The following BPIFB4 variants were observed in gnomAD, a reference collection of about 807,000 sequenced individuals.
BPIFB4 encodes the protein BPI fold containing family B member 4.
Under a neutral mutation model 69.2 loss-of-function variants are expected in BPIFB4, and 62 were observed. The ratio of observed to expected loss-of-function variants is 0.90; its 90% CI spans 0.73 to 1.11. The LOEUF is 1.11. BPIFB4 is among the 50% of genes least tolerant of loss of function. BPIFB4 has a pLI of 0.00. For missense variants in BPIFB4, 789 were observed against 792.0 expected (o/e 1.00, Z 0.04); for synonymous variants, 330 against 332.7 (o/e 0.99, Z 0.09).
intron 3 of BPIFB4, 25 bp downstream of exon 3, chr20:33,081,657 G>C (rs1340823474): frequency 6.4e-7 from 1 of 1,550,978 alleles, no homozygotes. Flanking sequence ...AAAGGGGTGA[G>C]GGTTGGCATG....
chr20:33,110,141 G>A (rs1045704425), intron 17 of BPIFB4, among the ~76,000 whole-genome samples: 1 of 152,138 alleles, frequency 6.6e-6, no homozygotes, highest in Non-Finnish European at 1.5e-5. Flanking sequence ...CTTTGGTCTG[G>A]TTCAGGGTCC....
At position 33,083,854 on chromosome 20, in the gene BPIFB4, C is replaced by A; in HGVS notation, c.657C>A (p.Ser219Arg). 6.2e-7 allele frequency: 1 copy of A among 1,612,848 alleles called. No homozygotes were observed. The highest frequency in any genetic ancestry group is 8.5e-7 in the Non-Finnish European group (1 of 1,179,578). ...TGCTCGGCGAGGGTGGCATCCTCAG[C>A]ACTGTGCAAGGCATCACGGGGTAAG... ...LGVLGEGGIL[S>R]TVQGITGLRI... Residue 219 changes from serine to arginine, a missense_variant, in exon 5 of 18, where the codon AGC becomes AGA. Coordinates refer to ENST00000375483, the MANE Select transcript of BPIFB4 (RefSeq NM_182519.3).
At chr20:33,085,232 A>T (rs184912497) in intron 6 of BPIFB4, among the ~76,000 whole-genome samples, 2,841 of 152,236 alleles carry the variant, frequency 0.019, 52 homozygotes, top group Non-Finnish European at 0.022. Context: ...AGGCAGGCAG[A>T]TCATCTGAGG....
At chr20:33,085,922 T>C in intron 6 of BPIFB4, 99 bp from the exon 7 acceptor site, 1 of 1,417,448 alleles carries the variant, frequency 7.1e-7, no homozygotes, top group African/African-American at 1.4e-5. Context: ...GCAAGGAGCG[T>C]AGCAGATGGC....
chr20:33,104,019 G>T (rs188975374), intron 15 of BPIFB4, among the ~76,000 whole-genome samples: 14 of 152,184 alleles, frequency 9.2e-5, no homozygotes, highest in African/African-American at 3.1e-4. Flanking sequence ...TATGATTTGG[G>T]TATTATTATT....
intron 4 of BPIFB4, 67 bp from the exon 5 acceptor site, chr20:33,083,300 G>C: frequency 6.6e-7 from 1 of 1,522,510 alleles, no homozygotes; most frequent in Non-Finnish European, 9.0e-7. Flanking sequence ...GGGTGGCAGT[G>C]GTGGTGGTCT....
intron 17 of BPIFB4, among the ~76,000 whole-genome samples, chr20:33,111,108 G>A (rs112679403): frequency 2.0e-5 from 3 of 152,022 alleles, no homozygotes; most frequent in African/African-American, 7.3e-5. Context: ...AAGCCACCAC[G>A]CCTGGCCAAA....
intron 11 of BPIFB4, 108 bp from the exon 12 acceptor site, chr20:33,094,992 G>A (rs1264722035): frequency 6.4e-6 from 7 of 1,095,486 alleles, no homozygotes; most frequent in Non-Finnish European, 9.8e-6. Context: ...AGACGAAGAC[G>A]CCCTGCTGGG....
chr20:33,092,409 C>G lies in BPIFB4; in HGVS notation c.1144-49C>G, dbSNP rs546005446. On this transcript the variant is annotated intron_variant, in intron 10 of 17. Transcript: ENST00000375483. Reference sequence around the variant, plus strand: ...CCTCACTCCAGCCTTCAGTCCCCTTCTTTCCATCTTCTCCCTCCCTGTGAC... The same window carrying G: ...CCTCACTCCAGCCTTCAGTCCCCTTGTTTCCATCTTCTCCCTCCCTGTGAC... 9 of 1,534,272 alleles carry G rather than the reference C, an allele frequency of 5.9e-6. No individual in the cohort carries two copies. In the African/African-American group the frequency reaches 6.8e-5, roughly 12 times the overall value.
At chr20:33,092,777 C>G in intron 11 of BPIFB4, 119 bp downstream of exon 11, 1 of 885,368 alleles carries the variant, frequency 1.1e-6, no homozygotes, top group African/African-American at 1.6e-5. Context: ...ATGGTCCACC[C>G]CTTGACTCAC....
chr20:33,085,770 T>C (rs534544451), intron 6 of BPIFB4, among the ~76,000 whole-genome samples: 1 of 152,224 alleles, frequency 6.6e-6, no homozygotes, highest in African/African-American at 2.4e-5. Flanking sequence ...AGCTAGGCAA[T>C]TGGGAGTCAC....
intron 7 of BPIFB4, among the ~76,000 whole-genome samples, chr20:33,088,244 G>A (rs1981491968): frequency 6.6e-6 from 1 of 151,668 alleles, no homozygotes; most frequent in African/African-American, 2.4e-5. Context: ...AGGAGGCTGA[G>A]GCAGGAGGAT....
At chr20:33,082,262 G>A (rs1391328726) in intron 3 of BPIFB4, among the ~76,000 whole-genome samples, 1 of 152,182 alleles carries the variant, frequency 6.6e-6, no homozygotes, top group Non-Finnish European at 1.5e-5. Flanking sequence ...CTATCCATCA[G>A]ACGGGTACAC....
chr20:33,107,471 A>G (rs948154378), intron 16 of BPIFB4, among the ~76,000 whole-genome samples: 3 of 151,710 alleles, frequency 2.0e-5, no homozygotes, highest in South Asian at 2.1e-4. Context: ...AAACAAACAA[A>G]CAAACAAAAA....
chr20:33,109,273 G>A (rs1982166277), intron 17 of BPIFB4, among the ~76,000 whole-genome samples: 1 of 152,028 alleles, frequency 6.6e-6, no homozygotes, highest in African/African-American at 2.4e-5. Context: ...ACACGAACAG[G>A]ATTGGCACAG....
intron 13 of BPIFB4, among the ~76,000 whole-genome samples, chr20:33,098,555 G>A (rs935653408): frequency 2.0e-5 from 3 of 152,040 alleles, no homozygotes; most frequent in African/African-American, 7.2e-5. Context: ...GACCAGCCTT[G>A]TCAACATGGT....
chr20:33,109,122 G>A (rs1982161422), intron 17 of BPIFB4, among the ~76,000 whole-genome samples: 1 of 152,156 alleles, frequency 6.6e-6, no homozygotes, highest in African/African-American at 2.4e-5. Flanking sequence ...TAGGACCTCG[G>A]CACTGCTTTG....
intron 2 of BPIFB4, among the ~76,000 whole-genome samples, chr20:33,080,943 ATGGATGGTTGGTTGGATGGATGGT>A (rs1396181911): frequency 1.3e-5 from 2 of 152,024 alleles, no homozygotes; most frequent in Non-Finnish European, 2.9e-5. Context: ...TGATGAGTGG[ATGGATGGTTGGTTGGATGGATGGT>A]TGGTTGGATG....
chr20:33,091,320 T>C (rs867954205), intron 10 of BPIFB4, among the ~76,000 whole-genome samples: 9 of 152,236 alleles, frequency 5.9e-5, no homozygotes, highest in African/African-American at 1.9e-4. Context: ...GTATCAAAAC[T>C]CCCATCATGG....
Sources: allele counts gnomAD v4.1 joint callset (sites outside exome capture counted in the v4.1 genomes callset), GRCh38; gene constraint gnomAD v4.1.1; transcripts MANE v1.5; gene names NCBI Gene and HGNC (gene_info 2026-07-23, HGNC 2026-07-21).